The following ODR4 variants were observed in gnomAD, a reference collection of about 807,000 sequenced individuals.
ODR4 encodes protein odr-4 homolog.
In ODR4, 47 loss-of-function variants were observed where a neutral mutation model predicts 60.2. The observed-to-expected ratio is 0.78, with a 90% CI of 0.62 to 1.00. The LOEUF (loss-of-function observed/expected upper bound fraction) is 1.00, where lower values mean the gene tolerates loss of function less well. Among genes scored for constraint, ODR4 ranks in the 50% least tolerant of loss-of-function variants. The pLI, the probability that ODR4 is intolerant of heterozygous loss-of-function variation, is 0.00. For synonymous variants in ODR4, 178 were observed against 175.5 expected (o/e 1.01, Z -0.11); for missense variants, 488 against 530.8 (o/e 0.92, Z 0.79).
downstream of ODR4, among the ~76,000 whole-genome samples, chr1:186,421,879 A>AAAAAAAAAAAAG (rs59883604): frequency 1.5e-5 from 2 of 135,138 alleles, no homozygotes. Context: ...AAAAAAAAAA[A>AAAAAAAAAAAAG]ATGATGAATC....
Position 186,419,093 on chromosome 1 carries a change from T to A in ODR4, c.*17T>A. ...AGTGATTAGGGTGAGGCACAAAGAG[T>A]TTCTTGATCATCCAGAGAACATTGA... On this transcript the variant is annotated 3_prime_UTR_variant, in exon 14 of 14. Coordinates refer to ENST00000287859, the MANE Select transcript of ODR4 (RefSeq NM_017847.6). 6.3e-7 allele frequency: 1 copy of A among 1,597,414 alleles called. No individual in the cohort carries two copies. Among genetic ancestry groups the A allele is most frequent in the Non-Finnish European group, 8.6e-7 (1 of 1,167,944 alleles).
At chr1:186,413,204 A>G (rs1266805531) in intron 12 of ODR4, among the ~76,000 whole-genome samples, 1 of 151,978 alleles carries the variant, frequency 6.6e-6, no homozygotes, top group South Asian at 2.1e-4. Flanking sequence ...AAGGAAATAT[A>G]CTCATTAGAA....
chr1:186,421,252 A>G lies in ODR4; in HGVS notation c.*2176A>G, dbSNP rs2102106143. 1.3e-5 allele frequency: 2 copies of G among 150,330 alleles called. No homozygotes were observed. The highest frequency in any genetic ancestry group is 6.8e-3 in the Middle Eastern group (2 of 294). 9.3% of individuals were successfully genotyped at this position (150,330 alleles called of 1,614,324 possible). ...GATTATCTGAAATTGAAAAACTAGT[A>G]AGCAAATAAATGATAAACATAAGTA... On this transcript the variant is annotated 3_prime_UTR_variant, in exon 14 of 14. Coordinates refer to ENST00000287859, the MANE Select transcript of ODR4 (RefSeq NM_017847.6).
At chr1:186,411,683 T>G (rs1227560629) in intron 12 of ODR4, 1 of 158,604 alleles carries the variant, frequency 6.3e-6, no homozygotes, top group Non-Finnish European at 1.4e-5. Flanking sequence ...AATATATAAA[T>G]ATTAATACAT....
chr1:186,391,332 G>T (rs1379751141), intron 7 of ODR4, among the ~76,000 whole-genome samples: 1 of 122,030 alleles, frequency 8.2e-6, no homozygotes, highest in East Asian at 2.4e-4. Context: ...TCCCATTGAA[G>T]ATGTCAAATA....
At position 186,406,248 on chromosome 1, in the gene ODR4, T is replaced by C. The variant is rs780570699; in HGVS notation, c.1166T>C (p.Ile389Thr). The change falls in exon 12 of 14, where the codon ATT (isoleucine) becomes ACT (threonine). Residue 389 changes from isoleucine to threonine, a missense_variant. Physicochemically the swap from Ile to Thr is moderately conservative, Grantham distance 89 (BLOSUM62 -1). Transcript: ENST00000287859. ...DHTIQIEDLEIAEETNTACMS... is the reference protein window; with the variant it reads ...DHTIQIEDLETAEETNTACMS... Reference sequence around the variant, plus strand: ...ACAATTCAAATAGAAGATTTGGAAATTGCAGAGGAAACAAACACAGGTCAT... The same window carrying C: ...ACAATTCAAATAGAAGATTTGGAAACTGCAGAGGAAACAAACACAGGTCAT... 1 of 1,605,148 alleles carries C rather than the reference T, an allele frequency of 6.2e-7. No homozygotes were observed.
rs968837059 is a variant in ODR4, at chr1:186,379,889, G to A, written c.99+5G>A. The A allele has an allele frequency of 6.6e-7, 1 of 1,513,656 alleles. No homozygotes were observed. Among genetic ancestry groups the A allele is most frequent in the Non-Finnish European group, 9.0e-7 (1 of 1,111,008 alleles). 93.8% of individuals were successfully genotyped at this position (1,513,656 alleles called of 1,614,324 possible). On this transcript the variant is annotated splice_donor_5th_base_variant and intron_variant, in intron 2 of 13. Coordinates refer to ENST00000287859, the MANE Select transcript of ODR4 (RefSeq NM_017847.6). The stretch of plus-strand genomic sequence containing the variant: ...TCTGGCCTTTTAATAGGACAGGTAT[G>A]TATCTTTTACTCTGCATTTATAACT...
chr1:186,399,613 C>T (rs1660844192), intron 11 of ODR4, among the ~76,000 whole-genome samples: 1 of 152,078 alleles, frequency 6.6e-6, no homozygotes, highest in African/African-American at 2.4e-5. Context: ...ACTTCTCCTG[C>T]CAGAATGAGT....
chr1:186,419,366 A>T lies in ODR4; in HGVS notation c.*290A>T. ...AAAAGCTTCAAAATGATGGGATATG[A>T]TCATAGATTTTAGTCTTACTAATCT... is the stretch of plus-strand genomic sequence containing the variant. On this transcript the variant is annotated 3_prime_UTR_variant, in exon 14 of 14. Coordinates refer to ENST00000287859, the MANE Select transcript of ODR4 (RefSeq NM_017847.6). 2 of 382,270 alleles carry T rather than the reference A, an allele frequency of 5.2e-6. No homozygotes were observed. The highest frequency in any genetic ancestry group is 9.7e-6 in the Non-Finnish European group (2 of 207,036). 23.7% of individuals were successfully genotyped at this position (382,270 alleles called of 1,614,324 possible). A position where few individuals can be genotyped will look rare whatever the true frequency, so the allele number is the denominator to read the frequency against.
At chr1:186,391,576 C>A in intron 7 of ODR4, 120 bp from the exon 8 acceptor site, 1 of 673,958 alleles carries the variant, frequency 1.5e-6, no homozygotes, top group Non-Finnish European at 2.6e-6. Flanking sequence ...TTAAATGCTG[C>A]AGTAATGAGA....
At chr1:186,405,501 A>G (rs139332354) in intron 11 of ODR4, among the ~76,000 whole-genome samples, 3 of 152,322 alleles carry the variant, frequency 2.0e-5, no homozygotes, top group African/African-American at 7.2e-5. Context: ...AGTGGGTCGT[A>G]TAAGAATGTG....
chr1:186,419,358 G>T lies in ODR4; in HGVS notation c.*282G>T. 1 of 405,140 alleles carries T rather than the reference G, an allele frequency of 2.5e-6. No homozygotes were observed. The highest frequency in any genetic ancestry group is 4.5e-6 in the Non-Finnish European group (1 of 220,300). The allele number at this position is 405,140 out of a possible 1,614,324, so 25.1% of individuals were successfully genotyped here. The stretch of plus-strand genomic sequence containing the variant: ...CTATTTTTAAAAGCTTCAAAATGAT[G>T]GGATATGATCATAGATTTTAGTCTT... On this transcript the variant is annotated 3_prime_UTR_variant, in exon 14 of 14. Transcript: ENST00000287859.
the ODR4 span, among the ~76,000 whole-genome samples, chr1:186,433,491 A>G: frequency 1.3e-5 from 2 of 152,144 alleles, no homozygotes; most frequent in African/African-American, 2.4e-5. Flanking sequence ...ATACTAGTTC[A>G]TTATTAACTT....
downstream of ODR4, among the ~76,000 whole-genome samples, chr1:186,423,613 C>G (rs947721386): frequency 6.6e-6 from 1 of 151,632 alleles, no homozygotes; most frequent in African/African-American, 2.4e-5. Flanking sequence ...CACCACCACG[C>G]CCGGCTAATT....
intron 12 of ODR4, 142 bp from the exon 13 acceptor site, chr1:186,417,398 TAATG>T (rs1661613571): frequency 3.2e-6 from 2 of 627,060 alleles, no homozygotes; most frequent in Middle Eastern, 4.4e-4. Flanking sequence ...CTACAATTGA[TAATG>T]AACAAATTCA....
At chr1:186,396,127 G>A (rs1660660596) in intron 9 of ODR4, among the ~76,000 whole-genome samples, 1 of 152,060 alleles carries the variant, frequency 6.6e-6, no homozygotes, top group Non-Finnish European at 1.5e-5. Flanking sequence ...ATTTCATTTG[G>A]TTCCCATAGA....
chr1:186,394,566 C>T (rs1260699164), intron 9 of ODR4, among the ~76,000 whole-genome samples: 2 of 152,030 alleles, frequency 1.3e-5, no homozygotes, highest in South Asian at 2.1e-4. Context: ...AAATACATAC[C>T]TTTGATTTTA....
chr1:186,401,382 G>A (rs1016171658), intron 11 of ODR4: 1 of 458,644 alleles, frequency 2.2e-6, no homozygotes, highest in Admixed American at 3.8e-5. Context: ...AAAGAGCAAA[G>A]ACTTTGAAGT....
chr1:186,382,756 G>A (rs1660089484), intron 2 of ODR4, among the ~76,000 whole-genome samples: 1 of 152,152 alleles, frequency 6.6e-6, no homozygotes, highest in Non-Finnish European at 1.5e-5. Flanking sequence ...ACCACTCCAT[G>A]ATTTACATTT....
Sources: gnomAD v4.1 joint callset for allele counts (sites outside exome capture counted in the v4.1 genomes callset) on GRCh38, gnomAD v4.1.1 for gene constraint, MANE v1.5 for transcripts, NCBI Gene and HGNC (gene_info 2026-07-23, HGNC 2026-07-21) for gene names.